Variants in TUBGCP5 observed in about 807,000 individuals in gnomAD.
TUBGCP5 encodes gamma-tubulin complex component 5.
TUBGCP5 carries 98 observed loss-of-function variants against 134.7 expected under a neutral mutation model. The observed-to-expected ratio is 0.73, with a 90% CI of 0.62 to 0.86. TUBGCP5 has a LOEUF of 0.86. Ranked by LOEUF, TUBGCP5 falls within the 40% of genes least tolerant of loss-of-function variation. The pLI, the probability that TUBGCP5 is intolerant of heterozygous loss-of-function variation, is 0.00. For synonymous variants in TUBGCP5, 456 were observed against 431.4 expected, an observed-to-expected ratio of 1.06 and a Z score of -0.71; for missense variants, 1,150 against 1,244.8, an observed-to-expected ratio of 0.92 and a Z score of 1.15.
At chr15:23,029,929 T>C (rs533880406) in intron 6 of TUBGCP5, among the ~76,000 whole-genome samples, 69 of 152,192 alleles carry the variant, frequency 4.5e-4, no homozygotes, top group African/African-American at 1.4e-3. Context: ...GCATGGTGGC[T>C]CACATCTGTA....
intron 3 of TUBGCP5, among the ~76,000 whole-genome samples, chr15:23,033,794 TTTATC>T (rs769626372): frequency 5.9e-5 from 9 of 152,334 alleles, no homozygotes; most frequent in African/African-American, 1.2e-4. Context: ...TTAATTTGCA[TTTATC>T]TTATCTTATG....
At chr15:23,002,963 C>G in intron 21 of TUBGCP5, 102 bp downstream of exon 21, 1 of 1,146,306 alleles carries the variant, frequency 8.7e-7, no homozygotes, top group Non-Finnish European at 1.3e-6. Flanking sequence ...CAATCCTCTC[C>G]TCTCAGCCTC....
chr15:22,986,145 A>AAAAT (rs1555430391), intron 23 of TUBGCP5, among the ~76,000 whole-genome samples: 1 of 87,958 alleles, frequency 1.1e-5, no homozygotes, highest in East Asian at 2.8e-4. Flanking sequence ...AAAAAAAAAA[A>AAAAT]AAAATAATAA....
At chr15:23,033,164 G>T (rs1265596153) in intron 3 of TUBGCP5, among the ~76,000 whole-genome samples, 1 of 152,082 alleles carries the variant, frequency 6.6e-6, no homozygotes, top group African/African-American at 2.4e-5. Context: ...TATCATGAAG[G>T]TTAAACATGC....
chr15:23,024,752 T>A lies in TUBGCP5; in HGVS notation c.906A>T (p.Val302=), dbSNP rs962172002. ...AATAACTTACATGTGTTAAATGAGTTACTATAATATTGTTTCTCACAGTTA... is the reference window on the plus strand; with the variant it reads ...AATAACTTACATGTGTTAAATGAGTAACTATAATATTGTTTCTCACAGTTA... The part of the protein sequence containing the change: ...GKVTVRNNII[V]THLTHSCLRS... The change falls in exon 9 of 23, where the codon GTA becomes GTT. Residue 302 remains valine (V), a synonymous_variant. Coordinates refer to ENST00000615383, the MANE Select transcript of TUBGCP5 (RefSeq NM_052903.6). 1 of 1,547,770 alleles carries A rather than the reference T, an allele frequency of 6.5e-7. No individual in the cohort carries two copies. Among genetic ancestry groups the A allele is most frequent in the South Asian group, 1.2e-5 (1 of 85,380 alleles).
chr15:22,998,220 C>A (rs2064183997), downstream of TUBGCP5, among the ~76,000 whole-genome samples: 1 of 151,986 alleles, frequency 6.6e-6, no homozygotes, highest in South Asian at 2.1e-4. Context: ...GAGGCTGAGG[C>A]AGGAGAATCA....
At chr15:23,038,017 G>C (rs2066696824) in intron 1 of TUBGCP5, among the ~76,000 whole-genome samples, 1 of 152,110 alleles carries the variant, frequency 6.6e-6, no homozygotes, top group Non-Finnish European at 1.5e-5. Context: ...ACCCACCTCG[G>C]CCTCCTAAAG....
intron 13 of TUBGCP5, among the ~76,000 whole-genome samples, chr15:23,016,789 A>G (rs2065346074): frequency 6.6e-6 from 1 of 151,742 alleles, no homozygotes; most frequent in Non-Finnish European, 1.5e-5. Flanking sequence ...TCAAAAAACT[A>G]CAAATAGAAC....
chr15:23,037,266 A>T (rs2066645259), intron 1 of TUBGCP5, 114 bp from the exon 2 acceptor site: 2 of 1,001,762 alleles, frequency 2.0e-6, no homozygotes, highest in Non-Finnish European at 3.0e-6. Flanking sequence ...CATTTCCAGA[A>T]TGGAGTGTAC....
chr15:23,039,495 G>C lies in TUBGCP5; in HGVS notation c.49C>G (p.Arg17Gly), dbSNP rs2066802183. The C allele has an allele frequency of 1.3e-6, 2 of 1,513,426 alleles. No individual in the cohort carries two copies. Among genetic ancestry groups the C allele is most frequent in the Non-Finnish European group, 1.8e-6 (2 of 1,124,264 alleles). The allele number at this position is 1,513,426 out of a possible 1,614,324, so 93.7% of individuals were successfully genotyped here. ...CCCCGGACGAGCTCCCGCACGTCGC[G>C]CTCCTGCTGCGCGTCCAACCGACTC... The part of the protein sequence containing the change: ...PWSRLDAQQE[R>G]DVRELVRGVA... The change falls in exon 1 of 23, where the codon CGC becomes GGC. Residue 17 changes from arginine to glycine, a missense_variant. Physicochemically the swap from Arg to Gly is moderately radical, Grantham distance 125 (BLOSUM62 -2). Transcript: ENST00000615383.
intron 13 of TUBGCP5, among the ~76,000 whole-genome samples, chr15:23,015,877 G>A (rs760270077): frequency 1.3e-5 from 2 of 152,042 alleles, no homozygotes; most frequent in East Asian, 1.9e-4. Context: ...TTTACAAAAC[G>A]TACTCCATAA....
At position 23,027,826 on chromosome 15, in the gene TUBGCP5, TA is replaced by T. The variant is rs199774830; in HGVS notation, c.623-521del. ...TAATTAAATGTAACTGACTAGAAAGTAAAAAAAAAAAAAATTGCCACATACA... is the reference window on the plus strand; with the variant it reads ...TAATTAAATGTAACTGACTAGAAAGTAAAAAAAAAAAAATTGCCACATACA... On this transcript the variant is annotated intron_variant, in intron 6 of 22. Coordinates refer to ENST00000615383, the MANE Select transcript of TUBGCP5 (RefSeq NM_052903.6). 3.0e-3 allele frequency among the ~76,000 whole-genome samples: 412 copies of T among 137,542 alleles called. 1 individual carries two copies. The highest frequency in any genetic ancestry group is 4.0e-3 in the African/African-American group (155 of 38,352). 90.2% of individuals were successfully genotyped at this position (137,542 alleles called of 152,430 possible).
Position 22,999,722 on chromosome 15 carries a change from A to G in TUBGCP5, c.*98T>C. The stretch of plus-strand genomic sequence containing the variant: ...GGCTGACTGTGGACAAGTTTTACAA[A>G]TAAACCAAAATAAAAATATTTTCAC... On this transcript the variant is annotated 3_prime_UTR_variant, in exon 23 of 23. Transcript: ENST00000615383. The G allele has an allele frequency of 1.4e-6, 2 of 1,421,654 alleles. No individual in the cohort carries two copies. The highest frequency in any genetic ancestry group is 1.8e-4 in the Middle Eastern group (1 of 5,682). 88.1% of individuals were successfully genotyped at this position (1,421,654 alleles called of 1,614,324 possible). A position where few individuals can be genotyped will look rare whatever the true frequency, so the allele number is the denominator to read the frequency against.
chr15:22,996,197 G>C (rs1302807528), downstream of TUBGCP5, among the ~76,000 whole-genome samples: 1 of 152,232 alleles, frequency 6.6e-6, no homozygotes, highest in African/African-American at 2.4e-5. Context: ...GTTTCCCCAA[G>C]TGCTTGTACC....
intron 1 of TUBGCP5, among the ~76,000 whole-genome samples, chr15:23,038,936 C>A (rs779269896): frequency 2.6e-5 from 4 of 152,018 alleles, no homozygotes; most frequent in Non-Finnish European, 5.9e-5. Flanking sequence ...AAATCAGTGT[C>A]ATGACACGCG....
At chr15:23,008,675 A>G (rs745362228) in intron 16 of TUBGCP5, 24 bp downstream of exon 16, 2 of 1,603,796 alleles carry the variant, frequency 1.2e-6, no homozygotes, top group South Asian at 1.1e-5. Flanking sequence ...ACTAATTTAA[A>G]TAAAGGTGGC....
At chr15:22,984,514 G>T (rs868117650) in intron 23 of TUBGCP5, among the ~76,000 whole-genome samples, 7 of 151,662 alleles carry the variant, frequency 4.6e-5, no homozygotes, top group African/African-American at 1.7e-4. Flanking sequence ...CAGCTACCCC[G>T]GGGGCTGAGG....
intron 11 of TUBGCP5, 62 bp from the exon 12 acceptor site, chr15:23,019,396 G>T: frequency 9.5e-7 from 1 of 1,056,898 alleles, no homozygotes; most frequent in Non-Finnish European, 1.4e-6. Context: ...ATAAAAGGAG[G>T]TTTAAACATT....
intron 8 of TUBGCP5, among the ~76,000 whole-genome samples, chr15:23,025,342 G>A (rs1409125253): frequency 1.3e-5 from 2 of 152,170 alleles, no homozygotes; most frequent in Non-Finnish European, 2.9e-5. Flanking sequence ...AAAACATGTT[G>A]TCAAAGCATC....
Sources: allele counts gnomAD v4.1 joint callset (sites outside exome capture counted in the v4.1 genomes callset), GRCh38; gene constraint gnomAD v4.1.1; transcripts MANE v1.5; gene names NCBI Gene and HGNC (gene_info 2026-07-23, HGNC 2026-07-21).